The following TNRC6B variants were observed in gnomAD, a reference collection of about 807,000 sequenced individuals.
TNRC6B encodes the protein trinucleotide repeat-containing gene 6B protein.
Under a neutral mutation model 203.6 loss-of-function variants are expected in TNRC6B, and 52 were observed. The observed-to-expected ratio is 0.26, with a 90% CI of 0.20 to 0.32. The LOEUF (loss-of-function observed/expected upper bound fraction) is 0.32. TNRC6B is among the 10% of genes least tolerant of loss of function. TNRC6B has a pLI of 1.00. For missense variants in TNRC6B, 1,923 were observed against 2,286.2 expected, an observed-to-expected ratio of 0.84 and a Z score of 3.24; for synonymous variants, 838 against 845.7, an observed-to-expected ratio of 0.99 and a Z score of 0.16.
intron 1 of TNRC6B, among the ~76,000 whole-genome samples, chr22:40,179,544 C>T: frequency 6.6e-6 from 1 of 152,272 alleles, no homozygotes; most frequent in East Asian, 1.9e-4. Context: ...ATTGTCATAT[C>T]CCCATCATTA....
rs1205362754 is a variant in TNRC6B, at chr22:40,329,000, A to G, written c.*5759A>G. Reference sequence around the variant, plus strand: ...CACACTTCATGTGTATGCATTAACTATACTTCTTAGTGTTACTGCAAAAAA... The same window carrying G: ...CACACTTCATGTGTATGCATTAACTGTACTTCTTAGTGTTACTGCAAAAAA... On this transcript the variant is annotated 3_prime_UTR_variant, in exon 23 of 23. Coordinates refer to ENST00000454349, the MANE Select transcript of TNRC6B (RefSeq NM_001162501.2). 6.6e-6 allele frequency: 1 copy of G among 151,422 alleles called. No individual in the cohort carries two copies. Among genetic ancestry groups the G allele is most frequent in the East Asian group, 1.9e-4 (1 of 5,202 alleles). 9.4% of individuals were successfully genotyped at this position (151,422 alleles called of 1,614,324 possible). A position where few individuals can be genotyped will look rare whatever the true frequency, so the allele number is the denominator to read the frequency against.
upstream of TNRC6B, among the ~76,000 whole-genome samples, chr22:40,177,292 G>C (rs1456927836): frequency 2.0e-5 from 3 of 152,094 alleles, no homozygotes; most frequent in African/African-American, 4.8e-5. Flanking sequence ...TTTGGGTTTG[G>C]GGGAGGAGGT....
chr22:40,152,363 T>A (rs1486717314), intron 3 of TNRC6B, among the ~76,000 whole-genome samples: 2 of 152,220 alleles, frequency 1.3e-5, no homozygotes, highest in African/African-American at 4.8e-5. Flanking sequence ...AGTCTTGCTC[T>A]GTTGCCAGAC....
At chr22:40,208,749 A>G (rs1340762867) in intron 1 of TNRC6B, among the ~76,000 whole-genome samples, 2 of 152,230 alleles carry the variant, frequency 1.3e-5, no homozygotes, top group Non-Finnish European at 2.9e-5. Context: ...TTTTCTCCAG[A>G]AGTTTTATTA....
At chr22:40,258,380 A>T (rs1278857639) in intron 3 of TNRC6B, among the ~76,000 whole-genome samples, 1 of 152,082 alleles carries the variant, frequency 6.6e-6, no homozygotes, top group East Asian at 1.9e-4. Context: ...GGACTTTGGG[A>T]GTCAATTTGG....
At chr22:40,185,967 G>A (rs962848196) in intron 1 of TNRC6B, among the ~76,000 whole-genome samples, 1 of 152,168 alleles carries the variant, frequency 6.6e-6, no homozygotes, top group Non-Finnish European at 1.5e-5. Flanking sequence ...TGGAGAATTT[G>A]GTGGGACTTG....
At chr22:40,086,596 C>T (rs866017609) in intron 1 of TNRC6B, among the ~76,000 whole-genome samples, 6 of 152,208 alleles carry the variant, frequency 3.9e-5, no homozygotes, top group Non-Finnish European at 7.3e-5. Flanking sequence ...TATGGAGGCA[C>T]ATTTGGATGC....
rs1161957463 is a variant in TNRC6B, at chr22:40,266,813, G to A, written c.2583G>A (p.Gly861=). The A allele has an allele frequency of 6.2e-7, 1 of 1,613,738 alleles. No individual in the cohort carries two copies. Among genetic ancestry groups the A allele is most frequent in the East Asian group, 2.2e-5 (1 of 44,894 alleles). Reference sequence around the variant, plus strand: ...CTTCCAATTCCAGCTGGAGCAGCGGGCCACAGCCTGCAACACCTAAGGATG... The same window carrying A: ...CTTCCAATTCCAGCTGGAGCAGCGGACCACAGCCTGCAACACCTAAGGATG... The part of the protein sequence containing the change: ...VRPSNSSWSS[G]PQPATPKDEE... The change falls in exon 5 of 23, where the codon GGG becomes GGA. Residue 861 remains glycine (G), a synonymous_variant. Coordinates refer to ENST00000454349, the MANE Select transcript of TNRC6B (RefSeq NM_001162501.2).
rs2071378242 is a variant in TNRC6B, at chr22:40,324,441, C to T, written c.*1200C>T. ...ACAGAGAAACTTTGTTCCCTCTTTC[C>T]TTATGATCAGGTTTGAGAAATTCTT... On this transcript the variant is annotated 3_prime_UTR_variant, in exon 23 of 23. Coordinates refer to ENST00000454349, the MANE Select transcript of TNRC6B (RefSeq NM_001162501.2). The T allele has an allele frequency of 6.6e-6, 1 of 152,528 alleles. No homozygotes were observed. The highest frequency in any genetic ancestry group is 2.1e-4 in the South Asian group (1 of 4,830). The allele number at this position is 152,528 out of a possible 1,614,324, so 9.4% of individuals were successfully genotyped here. A position where few individuals can be genotyped will look rare whatever the true frequency, so the allele number is the denominator to read the frequency against.
chr22:40,314,258 C>T (rs1156949736), intron 19 of TNRC6B, among the ~76,000 whole-genome samples: 1 of 152,190 alleles, frequency 6.6e-6, no homozygotes, highest in East Asian at 1.9e-4. Flanking sequence ...CATTTAGTTA[C>T]AAAACCTCAG....
intron 12 of TNRC6B, among the ~76,000 whole-genome samples, chr22:40,293,032 T>C (rs144854766): frequency 6.6e-6 from 1 of 152,284 alleles, no homozygotes; most frequent in African/African-American, 2.4e-5. Flanking sequence ...ATTTCAAATA[T>C]ATTCCCATGT....
At chr22:40,198,964 T>C (rs2069375191) in intron 1 of TNRC6B, among the ~76,000 whole-genome samples, 1 of 151,944 alleles carries the variant, frequency 6.6e-6, no homozygotes, top group Admixed American at 6.6e-5. Flanking sequence ...CCCCAGCTGC[T>C]TGGAGAAATG....
chr22:40,274,843 T>C (rs545614252), intron 7 of TNRC6B, among the ~76,000 whole-genome samples: 7 of 152,314 alleles, frequency 4.6e-5, no homozygotes, highest in African/African-American at 1.7e-4. Flanking sequence ...ACAGTAGTCT[T>C]TGAGCCTGAA....
At chr22:40,117,731 A>G (rs879789861) in intron 2 of TNRC6B, among the ~76,000 whole-genome samples, 32 of 152,066 alleles carry the variant, frequency 2.1e-4, no homozygotes, top group African/African-American at 7.5e-4. Context: ...GAATGTGACT[A>G]TCTACTCTTC....
chr22:40,140,948 A>G (rs1226952227), intron 3 of TNRC6B, among the ~76,000 whole-genome samples: 1 of 152,050 alleles, frequency 6.6e-6, no homozygotes, highest in Non-Finnish European at 1.5e-5. Context: ...GCCAATAATT[A>G]TATTTTTATA....
chr22:40,051,594 C>G (rs2067744939), intron 1 of TNRC6B, among the ~76,000 whole-genome samples: 1 of 152,168 alleles, frequency 6.6e-6, no homozygotes, highest in Non-Finnish European at 1.5e-5. Flanking sequence ...GTTTCCTGCT[C>G]CCTCCCAAAT....
intron 1 of TNRC6B, among the ~76,000 whole-genome samples, chr22:40,190,507 T>A (rs923979351): frequency 2.0e-5 from 3 of 152,254 alleles, no homozygotes; most frequent in African/African-American, 7.2e-5. Flanking sequence ...ATGTACATTT[T>A]AATTTTTATG....
chr22:40,307,250 T>G (rs1368559896), intron 15 of TNRC6B, among the ~76,000 whole-genome samples: 2 of 152,090 alleles, frequency 1.3e-5, no homozygotes, highest in East Asian at 1.9e-4. Flanking sequence ...GATCCCTTAG[T>G]GGGATTTGGA....
At chr22:40,275,699 C>T (rs988869556) in intron 7 of TNRC6B, among the ~76,000 whole-genome samples, 4 of 152,098 alleles carry the variant, frequency 2.6e-5, no homozygotes, top group Non-Finnish European at 5.9e-5. Context: ...TGGCTCATGC[C>T]TGTAATCCCA....
Sources: allele counts gnomAD v4.1 joint callset (sites outside exome capture counted in the v4.1 genomes callset), GRCh38; gene constraint gnomAD v4.1.1; transcripts MANE v1.5; gene names NCBI Gene and HGNC (gene_info 2026-07-23, HGNC 2026-07-21).